The following POLQ variants were observed in gnomAD, a reference collection of about 807,000 sequenced individuals.
POLQ encodes epididymis secretory sperm binding protein.
Under a neutral mutation model 259.2 loss-of-function variants are expected in POLQ, and 233 were observed. The ratio of observed to expected loss-of-function variants is 0.90; its 90% CI spans 0.81 to 1.00. POLQ has a LOEUF of 1.00. Among genes scored for constraint, POLQ ranks in the 50% least tolerant of loss-of-function variants. The probability of loss-of-function intolerance (pLI) is 0.00; values close to 1 mark genes in which losing one functional copy is unlikely to be tolerated. For missense variants in POLQ, 2,871 were observed against 3,051.6 expected, an observed-to-expected ratio of 0.94 and a Z score of 1.39; for synonymous variants, 1,025 against 1,048.8, an observed-to-expected ratio of 0.98 and a Z score of 0.44.
At chr3:121,437,276 A>C (rs982447063) in intron 27 of POLQ, among the ~76,000 whole-genome samples, 1 of 152,192 alleles carries the variant, frequency 6.6e-6, no homozygotes, top group African/African-American at 2.4e-5. Context: ...AAGGCCAGAC[A>C]CAATGTAGGA....
chr3:121,507,984 G>C (rs1332763736), intron 12 of POLQ, among the ~76,000 whole-genome samples: 2 of 150,220 alleles, frequency 1.3e-5, no homozygotes, highest in Non-Finnish European at 2.9e-5. Flanking sequence ...CTTCCAAGTA[G>C]CTGGGATTAC....
intron 25 of POLQ, among the ~76,000 whole-genome samples, chr3:121,459,696 T>G (rs1462684664): frequency 6.6e-6 from 1 of 152,182 alleles, no homozygotes; most frequent in Non-Finnish European, 1.5e-5. Flanking sequence ...AGATGTTTTT[T>G]AAGTATACAT....
intron 26 of POLQ, among the ~76,000 whole-genome samples, chr3:121,449,006 T>G (rs1272070339): frequency 6.6e-6 from 1 of 152,210 alleles, no homozygotes; most frequent in African/African-American, 2.4e-5. Context: ...CTCAATAGTT[T>G]ACTGTTTCAA....
chr3:121,528,488 C>T lies in POLQ; in HGVS notation c.1108+1157G>A, dbSNP rs190229416. 2.7e-3 allele frequency among the ~76,000 whole-genome samples: 414 copies of T among 151,938 alleles called. 1 individual carries two copies. Among genetic ancestry groups the T allele is most frequent in the African/African-American group, 9.7e-3 (404 of 41,462 alleles). ...CCTCCCGAGTAGCTGGGATTACAGG[C>T]GTGCACCACCACACCCAGCTAATTT... On this transcript the variant is annotated intron_variant, in intron 7 of 29. Coordinates refer to ENST00000264233, the MANE Select transcript of POLQ (RefSeq NM_199420.4).
Position 121,536,952 on chromosome 3 carries a change from G to A in POLQ, c.740+148C>T, listed in dbSNP as rs549432425. Reference sequence around the variant, plus strand: ...AGCCACCATGCCTGGACTGACTTCTGGAACAAAAACAAACTACTATACATA... The same window carrying A: ...AGCCACCATGCCTGGACTGACTTCTAGAACAAAAACAAACTACTATACATA... On this transcript the variant is annotated intron_variant, in intron 5 of 29. Coordinates refer to ENST00000264233, the MANE Select transcript of POLQ (RefSeq NM_199420.4). 3.7e-5 allele frequency: 22 copies of A among 589,372 alleles called. No individual in the cohort carries two copies. In the African/African-American group the frequency reaches 4.2e-4, roughly 11 times the overall value. 36.5% of individuals were successfully genotyped at this position (589,372 alleles called of 1,614,324 possible).
intron 15 of POLQ, 140 bp from the exon 16 acceptor site, chr3:121,490,548 G>T (rs2048060011): frequency 1.5e-6 from 1 of 675,952 alleles, no homozygotes; most frequent in East Asian, 2.6e-5. Flanking sequence ...TGCTCTCATG[G>T]CACATTCTAG....
At chr3:121,457,220 T>C (rs989394147) in intron 25 of POLQ, among the ~76,000 whole-genome samples, 12 of 152,312 alleles carry the variant, frequency 7.9e-5, no homozygotes, top group Admixed American at 5.9e-4. Context: ...TTACACCTTA[T>C]ACAAAAATTA....
Position 121,510,035 on chromosome 3 carries a change from T to G in POLQ, c.1816+4A>C. 6.2e-7 allele frequency: 1 copy of G among 1,607,210 alleles called. No homozygotes were observed. On this transcript the variant is annotated splice_donor_region_variant and intron_variant, in intron 11 of 29. Coordinates refer to ENST00000264233, the MANE Select transcript of POLQ (RefSeq NM_199420.4). ...GTAAATTGCAACTGAGAAGTCACAC[T>G]TACCTTCTGTTCCATCACTGGCTTC...
In POLQ at chr3:121,487,986, C is replaced by G. The variant is rs1401595150; in HGVS notation, c.4945G>C (p.Val1649Leu). The G allele has an allele frequency of 6.2e-6, 10 of 1,611,894 alleles. No individual in the cohort carries two copies. Among genetic ancestry groups the G allele is most frequent in the Non-Finnish European group, 7.6e-6 (9 of 1,179,300 alleles). The change falls in exon 16 of 30, where the codon GTA becomes CTA. Residue 1649 changes from valine to leucine, a missense_variant. Physicochemically the swap from Val to Leu is conservative, Grantham distance 32. Transcript: ENST00000264233. ...SPGLQRILDKVSSPLENEKLK... is the reference protein window; with the variant it reads ...SPGLQRILDKLSSPLENEKLK... The stretch of plus-strand genomic sequence containing the variant: ...TTTTCATTTTCTAGAGGACTGGATA[C>G]TTTATCTAAAATCCTTTGCAGTCCT...
intron 6 of POLQ, among the ~76,000 whole-genome samples, chr3:121,531,681 G>A (rs1323590114): frequency 1.3e-5 from 2 of 152,140 alleles, no homozygotes; most frequent in East Asian, 3.8e-4. Context: ...GAACAATTAG[G>A]AAATATTTCA....
intron 25 of POLQ, among the ~76,000 whole-genome samples, chr3:121,452,809 G>A (rs1321364283): frequency 2.0e-5 from 3 of 152,158 alleles, no homozygotes; most frequent in South Asian, 2.1e-4. Context: ...TCTGGGGGCA[G>A]GGCACAGAAA....
chr3:121,456,888 A>C (rs190164664), intron 25 of POLQ, among the ~76,000 whole-genome samples: 57 of 152,324 alleles, frequency 3.7e-4, no homozygotes, highest in Admixed American at 1.3e-3. Context: ...ATCTACTTTA[A>C]AGTTCATATG....
chr3:121,452,954 C>T (rs1429227512), intron 25 of POLQ, among the ~76,000 whole-genome samples: 1 of 152,222 alleles, frequency 6.6e-6, no homozygotes. Context: ...GTCCCTGACC[C>T]TTGACCCCCG....
chr3:121,540,894 T>C (rs1409271431), intron 3 of POLQ, among the ~76,000 whole-genome samples: 1 of 114,662 alleles, frequency 8.7e-6, no homozygotes, highest in Non-Finnish European at 1.8e-5. Context: ...TAAATTTTTT[T>C]AATTTTTTTT....
At chr3:121,475,054 A>G (rs1374153794) in intron 20 of POLQ, among the ~76,000 whole-genome samples, 1 of 152,222 alleles carries the variant, frequency 6.6e-6, no homozygotes, top group Non-Finnish European at 1.5e-5. Context: ...TTTGAAATAT[A>G]TAATACGTTA....
At chr3:121,531,368 A>G (rs2048410772) in intron 6 of POLQ, among the ~76,000 whole-genome samples, 1 of 152,164 alleles carries the variant, frequency 6.6e-6, no homozygotes, top group Non-Finnish European at 1.5e-5. Flanking sequence ...CCCTAAGGGG[A>G]AAGTATTCTA....
chr3:121,536,500 CCTGA>C (rs1458605966), intron 5 of POLQ, among the ~76,000 whole-genome samples: 5 of 151,760 alleles, frequency 3.3e-5, no homozygotes, highest in African/African-American at 7.3e-5. Context: ...TCAAAATTAG[CCTGA>C]CTACTTATAT....
intron 22 of POLQ, among the ~76,000 whole-genome samples, chr3:121,469,807 T>A (rs990612630): frequency 1.3e-5 from 2 of 152,208 alleles, no homozygotes; most frequent in African/African-American, 4.8e-5. Flanking sequence ...TTGCTATGCT[T>A]AAGTTTGTAT....
chr3:121,505,795 G>A (rs1366478203), intron 12 of POLQ, among the ~76,000 whole-genome samples: 4 of 150,348 alleles, frequency 2.7e-5, no homozygotes, highest in Non-Finnish European at 5.9e-5. Flanking sequence ...GATCACCTGA[G>A]GTTAGAAGTT....
Sources: allele counts gnomAD v4.1 joint callset (sites outside exome capture counted in the v4.1 genomes callset), GRCh38; gene constraint gnomAD v4.1.1; transcripts MANE v1.5; gene names NCBI Gene and HGNC (gene_info 2026-07-23, HGNC 2026-07-21).